The following CTF1 variants were observed in gnomAD, a reference collection of about 807,000 sequenced individuals.
CTF1 encodes cardiotrophin-1.
In CTF1, 9 loss-of-function variants were observed where a neutral mutation model predicts 10.9. The ratio of observed to expected loss-of-function variants is 0.83; its 90% CI spans 0.50 to 1.44. The LOEUF (loss-of-function observed/expected upper bound fraction) is 1.44, where lower values mean the gene tolerates loss of function less well. CTF1 is among the 40% of genes most tolerant of loss of function. The pLI is 0.00. For missense variants in CTF1, 259 were observed against 275.3 expected, an observed-to-expected ratio of 0.94 and a Z score of 0.42; for synonymous variants, 133 against 138.8, an observed-to-expected ratio of 0.96 and a Z score of 0.29.
At chr16:30,900,044 A>C (rs189555929) in intron 2 of CTF1, among the ~76,000 whole-genome samples, 1 of 152,222 alleles carries the variant, frequency 6.6e-6, no homozygotes, top group African/African-American at 2.4e-5. Context: ...AGTGAAGAGA[A>C]CTCTGATCTG....
chr16:30,897,130 C>CG (rs1323618473), intron 1 of CTF1, among the ~76,000 whole-genome samples: 1 of 32,070 alleles, frequency 3.1e-5, no homozygotes, highest in African/African-American at 1.3e-4. Flanking sequence ...GGGGGTGGGG[C>CG]GGGGGCGGGG....
intron 1 of CTF1, among the ~76,000 whole-genome samples, chr16:30,898,632 T>G (rs532325353): frequency 6.6e-6 from 1 of 152,156 alleles, no homozygotes; most frequent in East Asian, 1.9e-4. Context: ...TATATATGTA[T>G]TTTAACTGTA....
At chr16:30,896,580 C>CT, upstream of CTF1, 1 of 1,249,540 alleles carries the variant, frequency 8.0e-7, no homozygotes, top group South Asian at 3.8e-5. Context: ...GCCCCCAGCC[C>CT]TTTCCCCTTT....
At chr16:30,899,558 GCC>G in intron 2 of CTF1, 25 bp downstream of exon 2, 2 of 1,076,126 alleles carry the variant, frequency 1.9e-6, no homozygotes, top group East Asian at 2.5e-5. Context: ...GGGTGGGGGT[GCC>G]GGGGGCCTGG....
chr16:30,902,149 C>A lies in CTF1; in HGVS notation c.216C>A (p.Ser72Arg). 1.5e-6 allele frequency: 2 copies of A among 1,351,834 alleles called. No individual in the cohort carries two copies. The highest frequency in any genetic ancestry group is 3.1e-5 in the East Asian group (1 of 31,972). The allele number at this position is 1,351,834 out of a possible 1,614,324, so 83.7% of individuals were successfully genotyped here. A position where few individuals can be genotyped will look rare whatever the true frequency, so the allele number is the denominator to read the frequency against. The change falls in exon 3 of 3, where the codon AGC becomes AGA. Residue 72 changes from serine (S) to arginine (R), a missense_variant. Coordinates refer to ENST00000279804, the MANE Select transcript of CTF1 (RefSeq NM_001330.5). ...CGCGGCTGCCGGTGGCCGGCCTGAG[C>A]GCCCCGGCTCCGAGCCACGCGGGGC... ...SPPRLPVAGL[S>R]APAPSHAGLP...
At chr16:30,896,563 G>A (rs945716362), upstream of CTF1, 10 of 1,214,012 alleles carry the variant, frequency 8.2e-6, no homozygotes, top group Non-Finnish European at 1.0e-5. Context: ...GGCTGCGCCC[G>A]GGCCACGCCC....
chr16:30,902,624 G>A lies in CTF1; in HGVS notation c.*85G>A, dbSNP rs778973445. ...TTTGTCTTTCTCTGCCGCTGTCGGT[G>A]TCTGTCTGTCTGCTCTTAGCTGTCT... On this transcript the variant is annotated 3_prime_UTR_variant, in exon 3 of 3. Transcript: ENST00000279804. 2.2e-6 allele frequency: 3 copies of A among 1,393,606 alleles called. No homozygotes were observed. The highest frequency in any genetic ancestry group is 2.8e-6 in the Non-Finnish European group (3 of 1,067,408). 86.3% of individuals were successfully genotyped at this position (1,393,606 alleles called of 1,614,324 possible). A position where few individuals can be genotyped will look rare whatever the true frequency, so the allele number is the denominator to read the frequency against.
At chr16:30,896,420 G>A (rs1055272035), upstream of CTF1, among the ~76,000 whole-genome samples, 3 of 152,126 alleles carry the variant, frequency 2.0e-5, no homozygotes, top group Non-Finnish European at 4.4e-5. Context: ...CTGTCCACCC[G>A]GCAGACAACT....
Position 30,902,707 on chromosome 16 carries a change from C to A in CTF1, c.*168C>A, listed in dbSNP as rs996881481. On this transcript the variant is annotated 3_prime_UTR_variant, in exon 3 of 3. Transcript: ENST00000279804. The stretch of plus-strand genomic sequence containing the variant: ...GGAGAGGGGAGGGGACGGGCAGGGT[C>A]TCTGTCGCCCAGGCTGGGGTGCAGT... The A allele has an allele frequency of 1.0e-4, 112 of 1,087,740 alleles. No homozygotes were observed. Among genetic ancestry groups the A allele is most frequent in the Non-Finnish European group, 1.2e-4 (101 of 835,262 alleles). 67.4% of individuals were successfully genotyped at this position (1,087,740 alleles called of 1,614,324 possible).
intron 2 of CTF1, among the ~76,000 whole-genome samples, chr16:30,900,212 C>G (rs1567330673): frequency 6.6e-6 from 1 of 152,198 alleles, no homozygotes; most frequent in Non-Finnish European, 1.5e-5. Context: ...AGGTTCCAAT[C>G]TGGAGCAACA....
chr16:30,896,865 G>A (rs1318980976), intron 1 of CTF1, among the ~76,000 whole-genome samples, 197 bp downstream of exon 1: 1 of 152,140 alleles, frequency 6.6e-6, no homozygotes, highest in African/African-American at 2.4e-5. Flanking sequence ...GTTTAGAGGA[G>A]GCCTGGGGCT....
At chr16:30,900,719 C>G (rs980290681) in intron 2 of CTF1, among the ~76,000 whole-genome samples, 10 of 152,138 alleles carry the variant, frequency 6.6e-5, no homozygotes, top group Admixed American at 5.9e-4. Context: ...ATTGCTTGAG[C>G]CCTGGAGGCT....
intron 1 of CTF1, among the ~76,000 whole-genome samples, chr16:30,899,172 A>G (rs554285790): frequency 1.3e-5 from 2 of 152,214 alleles, no homozygotes; most frequent in Non-Finnish European, 2.9e-5. Flanking sequence ...CTCAGAATGT[A>G]TCCATGTTGT....
chr16:30,902,434 C>T lies in CTF1; in HGVS notation c.501C>T (p.Val167=). 7.1e-7 allele frequency: 1 copy of T among 1,413,538 alleles called. No individual in the cohort carries two copies. Among genetic ancestry groups the T allele is most frequent in the Non-Finnish European group, 9.2e-7 (1 of 1,081,144 alleles). The allele number at this position is 1,413,538 out of a possible 1,614,324, so 87.6% of individuals were successfully genotyped here. ...ATASAASATG[V]FPAKVLGLRV... is the part of the protein sequence containing the mutation. ...CCTCAGCCGCCTCCGCCACCGGGGT[C>T]TTCCCCGCCAAGGTGCTGGGGCTCC... Residue 167 remains valine, a synonymous_variant, in exon 3 of 3, where the codon GTC becomes GTT. Transcript: ENST00000279804.
intron 1 of CTF1, among the ~76,000 whole-genome samples, chr16:30,897,761 G>A (rs1438588157): frequency 1.3e-5 from 2 of 152,088 alleles, no homozygotes; most frequent in South Asian, 4.1e-4. Flanking sequence ...AGACCCAGGC[G>A]GGAGGATCGC....
Position 30,902,180 on chromosome 16 carries a change from G to C in CTF1, c.247G>C (p.Val83Leu). The stretch of plus-strand genomic sequence containing the variant: ...GGCTCCGAGCCACGCGGGGCTGCCA[G>C]TGCACGAGCGGCTGCGGCTGGACGC... ...APAPSHAGLP[V>L]HERLRLDAAA... The change falls in exon 3 of 3, where the codon GTG (valine) becomes CTG (leucine). Residue 83 changes from valine (V) to leucine (L), a missense_variant. Physicochemically the swap from Val to Leu is conservative, Grantham distance 32. Coordinates refer to ENST00000279804, the MANE Select transcript of CTF1 (RefSeq NM_001330.5). The C allele has an allele frequency of 2.5e-6, 3 of 1,224,036 alleles. No individual in the cohort carries two copies. The highest frequency in any genetic ancestry group is 3.0e-6 in the Non-Finnish European group (3 of 983,764). 75.8% of individuals were successfully genotyped at this position (1,224,036 alleles called of 1,614,324 possible).
In CTF1 at chr16:30,902,062, G is replaced by A; in HGVS notation, c.145-16G>A. ...TGCTCCGGGGCCCCGCTGACCCGCC[G>A]GCCGTGTCTCCGCAGGTGCAGCTCC... On this transcript the variant is annotated splice_polypyrimidine_tract_variant and intron_variant, in intron 2 of 2. Coordinates refer to ENST00000279804, the MANE Select transcript of CTF1 (RefSeq NM_001330.5). 1.4e-6 allele frequency: 2 copies of A among 1,447,440 alleles called. No homozygotes were observed. Among genetic ancestry groups the A allele is most frequent in the South Asian group, 2.6e-5 (2 of 75,790 alleles). The allele number at this position is 1,447,440 out of a possible 1,614,324, so 89.7% of individuals were successfully genotyped here. A position where few individuals can be genotyped will look rare whatever the true frequency, so the allele number is the denominator to read the frequency against.
At position 30,902,767 on chromosome 16, in the gene CTF1, G is replaced by C; in HGVS notation, c.*228G>C. The stretch of plus-strand genomic sequence containing the variant: ...CCAGCACTGCAGCCTCAACCTCCTG[G>C]GCTCAAGCCATCCTTCCGCCTCAGC... On this transcript the variant is annotated 3_prime_UTR_variant, in exon 3 of 3. Coordinates refer to ENST00000279804, the MANE Select transcript of CTF1 (RefSeq NM_001330.5). 2.1e-6 allele frequency: 1 copy of C among 485,592 alleles called. No individual in the cohort carries two copies. The highest frequency in any genetic ancestry group is 3.2e-6 in the Non-Finnish European group (1 of 311,598). The allele number at this position is 485,592 out of a possible 1,614,324, so 30.1% of individuals were successfully genotyped here. A position where few individuals can be genotyped will look rare whatever the true frequency, so the allele number is the denominator to read the frequency against.
At position 30,902,195 on chromosome 16, in the gene CTF1, C is replaced by A. The variant is rs1283629690; in HGVS notation, c.262C>A (p.Arg88=). 2.5e-6 allele frequency: 3 copies of A among 1,188,644 alleles called. No homozygotes were observed. Among genetic ancestry groups the A allele is most frequent in the African/African-American group, 1.6e-5 (1 of 62,192 alleles). The allele number at this position is 1,188,644 out of a possible 1,614,324, so 73.6% of individuals were successfully genotyped here. Reference sequence around the variant, plus strand: ...GGGGCTGCCAGTGCACGAGCGGCTGCGGCTGGACGCGGCGGCGCTGGCCGC... The same window carrying A: ...GGGGCTGCCAGTGCACGAGCGGCTGAGGCTGGACGCGGCGGCGCTGGCCGC... The part of the protein sequence containing the change: ...HAGLPVHERL[R]LDAAALAALP... Residue 88 remains arginine, a synonymous_variant, in exon 3 of 3, where the codon CGG becomes AGG. Coordinates refer to ENST00000279804, the MANE Select transcript of CTF1 (RefSeq NM_001330.5).
Sources: allele counts gnomAD v4.1 joint callset (sites outside exome capture counted in the v4.1 genomes callset), GRCh38; gene constraint gnomAD v4.1.1; transcripts MANE v1.5; gene names NCBI Gene and HGNC (gene_info 2026-07-23, HGNC 2026-07-21).